Variants in CLIC5 observed in about 807,000 individuals in gnomAD.
CLIC5 encodes the protein CLIC family member 5.
In CLIC5, 20 loss-of-function variants were observed where a neutral mutation model predicts 24.7. That is an observed-to-expected ratio of 0.81 (90% CI 0.57 to 1.18). The LOEUF (loss-of-function observed/expected upper bound fraction) is 1.18, where lower values mean the gene tolerates loss of function less well. Among genes scored for constraint, CLIC5 ranks in the 50% most tolerant of loss-of-function variants. CLIC5 has a pLI of 0.00. For missense variants in CLIC5, 341 were observed against 326.1 expected (o/e 1.05, Z -0.35); for synonymous variants, 159 against 135.6 (o/e 1.17, Z -1.20).
chr6:46,010,794 G>T (rs1368328198), intron 1 of CLIC5, among the ~76,000 whole-genome samples: 1 of 152,158 alleles, frequency 6.6e-6, no homozygotes, highest in Non-Finnish European at 1.5e-5. Flanking sequence ...GCCATAGCAG[G>T]GCAGGCAAAT....
intron 1 of CLIC5, among the ~76,000 whole-genome samples, chr6:45,984,878 C>T (rs1765680643): frequency 6.6e-6 from 1 of 152,192 alleles, no homozygotes; most frequent in East Asian, 1.9e-4. Context: ...ATTCATCGAG[C>T]AGCTCTATGC....
intron 1 of CLIC5, among the ~76,000 whole-genome samples, chr6:45,978,858 G>A (rs1292852530): frequency 1.3e-5 from 2 of 152,054 alleles, no homozygotes; most frequent in Non-Finnish European, 2.9e-5. Context: ...GCTGAGGTAG[G>A]AGAATGGCTT....
intron 1 of CLIC5, among the ~76,000 whole-genome samples, chr6:46,034,964 A>G (rs1204425499): frequency 6.6e-6 from 1 of 152,234 alleles, no homozygotes; most frequent in African/African-American, 2.4e-5. Context: ...TTATCTGTAA[A>G]TAGAGCTACT....
chr6:45,945,220 A>C lies in CLIC5; in HGVS notation c.300-3567T>G, dbSNP rs1179993585. ...CTTCATATCAGGCTCTAGGCTCATT[A>C]GTATTATTTTTTACAATAGCCCTAT... is the stretch of plus-strand genomic sequence containing the variant. On this transcript the variant is annotated intron_variant, in intron 3 of 5. Transcript: ENST00000339561. Among the ~76,000 whole-genome samples the C allele has an allele frequency of 4.6e-5, 7 of 152,322 alleles. No homozygotes were observed. In the East Asian group the frequency reaches 1.2e-3, roughly 25 times the overall value.
intron 3 of CLIC5, among the ~76,000 whole-genome samples, chr6:45,944,474 C>T (rs946412188): frequency 4.1e-5 from 6 of 145,404 alleles, no homozygotes; most frequent in African/African-American, 1.0e-4. Context: ...TCTCTCCACC[C>T]GGTTTTTAGG....
chr6:46,053,790 G>A (rs1473940333), intron 1 of CLIC5, among the ~76,000 whole-genome samples: 2 of 152,160 alleles, frequency 1.3e-5, no homozygotes, highest in African/African-American at 4.8e-5. Flanking sequence ...TGCCTAAGGA[G>A]TTTGACGAGA....
chr6:45,902,212 G>T lies in CLIC5; in HGVS notation c.*876C>A. Reference sequence around the variant, plus strand: ...TCCCACTCCCATCCACTTTCTCATAGCTCAAAAACCACTCATTGGTAAGCA... The same window carrying T: ...TCCCACTCCCATCCACTTTCTCATATCTCAAAAACCACTCATTGGTAAGCA... On this transcript the variant is annotated 3_prime_UTR_variant, in exon 6 of 6. Coordinates refer to ENST00000339561, the MANE Select transcript of CLIC5 (RefSeq NM_016929.5). 1 of 152,830 alleles carries T rather than the reference G, an allele frequency of 6.5e-6. No homozygotes were observed. The highest frequency in any genetic ancestry group is 1.5e-5 in the Non-Finnish European group (1 of 68,140). The allele number at this position is 152,830 out of a possible 1,614,324, so 9.5% of individuals were successfully genotyped here. A position where few individuals can be genotyped will look rare whatever the true frequency, so the allele number is the denominator to read the frequency against.
At chr6:46,000,353 C>G (rs535669764) in intron 1 of CLIC5, among the ~76,000 whole-genome samples, 1 of 152,046 alleles carries the variant, frequency 6.6e-6, no homozygotes, top group Non-Finnish European at 1.5e-5. Flanking sequence ...TGCACATGCT[C>G]CTTTGAAGGA....
At chr6:45,913,716 A>C in intron 5 of CLIC5, 3 of 1,053,080 alleles carry the variant, frequency 2.8e-6, no homozygotes, top group Non-Finnish European at 3.6e-6. Context: ...CAAGAAAGTG[A>C]CATCACTTCT....
At chr6:46,088,934 T>C in the CLIC5 span, among the ~76,000 whole-genome samples, 1 of 152,230 alleles carries the variant, frequency 6.6e-6, no homozygotes, top group African/African-American at 2.4e-5. Flanking sequence ...ATGGTGACTT[T>C]ACAAAGCACA....
intron 1 of CLIC5, among the ~76,000 whole-genome samples, chr6:45,986,772 C>A (rs57850818): frequency 0.5 from 75,347 of 152,002 alleles, 19,403 homozygotes; most frequent in East Asian, 0.77. Context: ...GGTAAGGATA[C>A]AATCTCCCCT....
intron 1 of CLIC5, among the ~76,000 whole-genome samples, chr6:45,966,979 C>G (rs190536201): frequency 6.6e-6 from 1 of 152,336 alleles, no homozygotes; most frequent in East Asian, 1.9e-4. Flanking sequence ...TGACCGGGTA[C>G]AGAAACCCTA....
intron 1 of CLIC5, among the ~76,000 whole-genome samples, chr6:45,984,107 G>A (rs534801712): frequency 6.6e-6 from 1 of 152,246 alleles, no homozygotes; most frequent in South Asian, 2.1e-4. Flanking sequence ...AGCACTTAGT[G>A]GAACATAGTA....
chr6:45,964,373 G>C (rs560820604), intron 1 of CLIC5, among the ~76,000 whole-genome samples: 1 of 152,184 alleles, frequency 6.6e-6, no homozygotes, highest in Admixed American at 6.5e-5. Context: ...GCCCCAGCTA[G>C]AGGTGGAGTC....
chr6:45,951,940 A>G (rs1764484324), intron 2 of CLIC5, among the ~76,000 whole-genome samples: 2 of 152,218 alleles, frequency 1.3e-5, no homozygotes, highest in African/African-American at 4.8e-5. Flanking sequence ...CAGACAACTG[A>G]GACGGAAAGT....
the CLIC5 span, among the ~76,000 whole-genome samples, chr6:46,121,947 T>G: frequency 1.3e-5 from 2 of 152,274 alleles, no homozygotes; most frequent in Admixed American, 6.5e-5. Context: ...CTTACAGACC[T>G]AAAAGAGACT....
chr6:46,013,419 C>T (rs1157444328), intron 1 of CLIC5, among the ~76,000 whole-genome samples: 2 of 152,176 alleles, frequency 1.3e-5, no homozygotes, highest in African/African-American at 4.8e-5. Context: ...TTTACTTGTC[C>T]CATTTACTTG....
At chr6:46,015,199 C>A (rs1057255093) in intron 1 of CLIC5, among the ~76,000 whole-genome samples, 1 of 152,226 alleles carries the variant, frequency 6.6e-6, no homozygotes, top group African/African-American at 2.4e-5. Context: ...CCGGGCTGGG[C>A]TCTGGACTCG....
chr6:45,971,414 C>G (rs993586834), intron 1 of CLIC5, among the ~76,000 whole-genome samples: 6 of 152,158 alleles, frequency 3.9e-5, no homozygotes, highest in Non-Finnish European at 7.4e-5. Flanking sequence ...CACCCAAACC[C>G]CCACCAAACT....
Sources: gnomAD v4.1 joint callset for allele counts (sites outside exome capture counted in the v4.1 genomes callset) on GRCh38, gnomAD v4.1.1 for gene constraint, MANE v1.5 for transcripts, NCBI Gene and HGNC (gene_info 2026-07-23, HGNC 2026-07-21) for gene names.